Variants in GRM7 observed in about 807,000 individuals in gnomAD.
GRM7 encodes the protein metabotropic glutamate receptor 7.
In GRM7, 35 loss-of-function variants were observed where a neutral mutation model predicts 84.5. The observed-to-expected ratio is 0.41, with a 90% CI of 0.32 to 0.55. The LOEUF (loss-of-function observed/expected upper bound fraction) is 0.55, where lower values mean the gene tolerates loss of function less well. GRM7 is among the 20% of genes least tolerant of loss of function. The pLI is 0.19. For synonymous variants in GRM7, 487 were observed against 455.1 expected, an observed-to-expected ratio of 1.07 and a Z score of -0.89; for missense variants, 1,003 against 1,194.6, an observed-to-expected ratio of 0.84 and a Z score of 2.36.
intron 5 of GRM7, among the ~76,000 whole-genome samples, chr3:7,438,059 G>C (rs145736329): frequency 5.3e-5 from 8 of 152,172 alleles, no homozygotes; most frequent in South Asian, 2.1e-4. Flanking sequence ...ACTGAGCCTC[G>C]TAGACTATGC....
chr3:7,636,164 G>C (rs1020005408), intron 8 of GRM7: 6 of 454,592 alleles, frequency 1.3e-5, no homozygotes, highest in Admixed American at 9.4e-5. Flanking sequence ...TGCCTAAACT[G>C]TGTCCACTAG....
At chr3:6,938,194 C>T (rs146314610) in intron 1 of GRM7, among the ~76,000 whole-genome samples, 163 of 152,320 alleles carry the variant, frequency 1.1e-3, no homozygotes, top group African/African-American at 3.3e-3. Flanking sequence ...CCCCTTCATT[C>T]ACCATTTTGA....
chr3:7,060,076 G>T (rs1215791168), intron 1 of GRM7, among the ~76,000 whole-genome samples: 5 of 151,760 alleles, frequency 3.3e-5, no homozygotes, highest in African/African-American at 1.2e-4. Flanking sequence ...AGAAGCAGAG[G>T]TTTTTGGAAG....
chr3:7,117,749 C>T (rs760828304), intron 1 of GRM7, among the ~76,000 whole-genome samples: 12 of 152,152 alleles, frequency 7.9e-5, no homozygotes, highest in South Asian at 2.1e-4. Context: ...CTTAGTCAAT[C>T]GAGGCCTCCG....
At chr3:7,467,017 G>A (rs1463276200) in intron 7 of GRM7, among the ~76,000 whole-genome samples, 1 of 152,148 alleles carries the variant, frequency 6.6e-6, no homozygotes, top group Non-Finnish European at 1.5e-5. Flanking sequence ...TAATGAACCT[G>A]TACTTTTTAA....
rs527838480 is a variant in GRM7 at position 7,060,823 on chromosome 3, G to T, written c.520-85629G>T. On this transcript the variant is annotated intron_variant, in intron 1 of 9. Transcript: ENST00000357716. ...AAAGAATAAAATATTATGGGGAAAG[G>T]TAAAGACAGTGTCTTTGAAGCATAT... Among the ~76,000 whole-genome samples, 11 of 151,806 alleles carry T rather than the reference G, an allele frequency of 7.2e-5. No individual in the cohort carries two copies. In the East Asian group the frequency reaches 7.8e-4, roughly 11 times the overall value.
chr3:7,092,608 G>T (rs1389922814), intron 1 of GRM7, among the ~76,000 whole-genome samples: 3 of 147,612 alleles, frequency 2.0e-5, no homozygotes, highest in Non-Finnish European at 3.0e-5. Flanking sequence ...ATTGGGGGGG[G>T]GGCAATTTAG....
intron 9 of GRM7, among the ~76,000 whole-genome samples, chr3:7,687,986 C>G (rs1414681172): frequency 6.6e-6 from 1 of 152,008 alleles, no homozygotes; most frequent in Non-Finnish European, 1.5e-5. Context: ...TAACTGTATT[C>G]CCGTGAGATT....
At chr3:7,219,267 G>A (rs549271747) in intron 2 of GRM7, among the ~76,000 whole-genome samples, 3 of 70,994 alleles carry the variant, frequency 4.2e-5, no homozygotes, top group African/African-American at 1.6e-4. Flanking sequence ...TGGTTCACAC[G>A]TCTAACCATT....
At chr3:7,434,703 A>G (rs1696970841) in intron 5 of GRM7, among the ~76,000 whole-genome samples, 2 of 152,086 alleles carry the variant, frequency 1.3e-5, no homozygotes, top group Non-Finnish European at 2.9e-5. Flanking sequence ...ATATTTTGCT[A>G]AGGAATATTA....
At chr3:7,020,460 G>C (rs1020998414) in intron 1 of GRM7, among the ~76,000 whole-genome samples, 1 of 152,210 alleles carries the variant, frequency 6.6e-6, no homozygotes, top group African/African-American at 2.4e-5. Context: ...CTGCTATTTA[G>C]AGCAGTGTTT....
chr3:7,046,489 A>C (rs967421277), intron 1 of GRM7, among the ~76,000 whole-genome samples: 1 of 152,138 alleles, frequency 6.6e-6, no homozygotes, highest in Non-Finnish European at 1.5e-5. Flanking sequence ...CAATGAACTC[A>C]TCTTTTTCAG....
chr3:7,468,766 G>C (rs1391659876), intron 7 of GRM7, among the ~76,000 whole-genome samples: 1 of 151,804 alleles, frequency 6.6e-6, no homozygotes, highest in East Asian at 1.9e-4. Flanking sequence ...CATGAGATCT[G>C]ATGCTTTTGT....
chr3:6,931,327 A>G (rs376825848), intron 1 of GRM7, among the ~76,000 whole-genome samples: 3 of 152,116 alleles, frequency 2.0e-5, no homozygotes, highest in Non-Finnish European at 2.9e-5. Context: ...GGTAAAAGAG[A>G]AAATAATAGA....
At chr3:7,348,665 C>A (rs1395486544) in intron 4 of GRM7, among the ~76,000 whole-genome samples, 6 of 152,110 alleles carry the variant, frequency 3.9e-5, no homozygotes, top group Admixed American at 3.9e-4. Flanking sequence ...AAGAGTGGTT[C>A]AGTCTCACAT....
chr3:7,277,209 A>T (rs1699105094), intron 2 of GRM7, among the ~76,000 whole-genome samples: 1 of 152,050 alleles, frequency 6.6e-6, no homozygotes, highest in Admixed American at 6.6e-5. Flanking sequence ...TTTCACACTT[A>T]ACTGGGTAAG....
At chr3:7,189,168 A>T (rs1021520253) in intron 2 of GRM7, among the ~76,000 whole-genome samples, 5 of 152,202 alleles carry the variant, frequency 3.3e-5, no homozygotes, top group Non-Finnish European at 7.3e-5. Context: ...GTATGTATAT[A>T]TGTGGACATG....
In GRM7 at chr3:6,971,909, TA is replaced by T. The variant is rs373790908; in HGVS notation, c.519+110006del. ...AAAGCTTAGAAATAAATATGACTTT[TA>T]AAAGGTAATATTTATTGCATTTCTT... On this transcript the variant is annotated intron_variant, in intron 1 of 9. Coordinates refer to ENST00000357716, the MANE Select transcript of GRM7 (RefSeq NM_000844.4). Among the ~76,000 whole-genome samples the T allele has an allele frequency of 2.2e-4, 34 of 152,332 alleles. No homozygotes were observed. In the East Asian group the frequency reaches 6.0e-3, roughly 27 times the overall value.
chr3:7,069,228 T>C (rs900524905), intron 1 of GRM7, among the ~76,000 whole-genome samples: 2 of 151,896 alleles, frequency 1.3e-5, no homozygotes, highest in Non-Finnish European at 2.9e-5. Context: ...AGAAGGAAGA[T>C]TGTTCGCACT....
Sources: gnomAD v4.1 joint callset for allele counts (sites outside exome capture counted in the v4.1 genomes callset) on GRCh38, gnomAD v4.1.1 for gene constraint, MANE v1.5 for transcripts, NCBI Gene and HGNC (gene_info 2026-07-23, HGNC 2026-07-21) for gene names.